The following FARS2 variants were observed in gnomAD, a reference collection of about 807,000 sequenced individuals.
The protein encoded by FARS2 is phenylalanyl-tRNA synthetase 2, mitochondrial, also known as phenylalanine--tRNA ligase, mitochondrial.
FARS2 carries 40 observed loss-of-function variants against 46.4 expected under a neutral mutation model. The observed-to-expected ratio is 0.86, with a 90% CI of 0.67 to 1.12. The LOEUF (loss-of-function observed/expected upper bound fraction) is 1.12. FARS2 is among the 50% of genes most tolerant of loss of function. The pLI is 0.00. For synonymous variants in FARS2, 234 were observed against 214.9 expected (o/e 1.09, Z -0.78); for missense variants, 513 against 567.9 (o/e 0.90, Z 0.98).
chr6:5,688,167 C>T (rs529332144), intron 6 of FARS2, among the ~76,000 whole-genome samples: 1 of 152,328 alleles, frequency 6.6e-6, no homozygotes, highest in East Asian at 1.9e-4. Context: ...TTGACTTCCT[C>T]TTTTCCTAAT....
At chr6:5,659,355 G>A (rs1777743736) in intron 6 of FARS2, among the ~76,000 whole-genome samples, 1 of 152,158 alleles carries the variant, frequency 6.6e-6, no homozygotes, top group Non-Finnish European at 1.5e-5. Flanking sequence ...CATTAAGGGG[G>A]ATGAGAAGAG....
chr6:5,473,134 C>T (rs916267447), intron 4 of FARS2, among the ~76,000 whole-genome samples: 2 of 152,148 alleles, frequency 1.3e-5, no homozygotes, highest in Non-Finnish European at 2.9e-5. Flanking sequence ...CCAAACACTA[C>T]ATTTAAATAA....
intron 4 of FARS2, among the ~76,000 whole-genome samples, chr6:5,481,035 G>A (rs1199679867): frequency 6.6e-6 from 1 of 152,244 alleles, no homozygotes; most frequent in Non-Finnish European, 1.5e-5. Context: ...AGTCTTTGCA[G>A]TTAGCCTGCA....
At chr6:5,265,520 C>G (rs907449871) in intron 1 of FARS2, among the ~76,000 whole-genome samples, 1 of 152,164 alleles carries the variant, frequency 6.6e-6, no homozygotes, top group African/African-American at 2.4e-5. Flanking sequence ...TACTGATAAC[C>G]TTTTGTTTCA....
intron 1 of FARS2, among the ~76,000 whole-genome samples, chr6:5,264,830 G>A (rs915883210): frequency 2.6e-5 from 4 of 152,162 alleles, no homozygotes; most frequent in African/African-American, 4.8e-5. Context: ...CAGGGTCTCT[G>A]TTTACTAAGC....
At chr6:5,293,467 T>A (rs72815615) in intron 1 of FARS2, among the ~76,000 whole-genome samples, 12,245 of 152,136 alleles carry the variant, frequency 0.08, 678 homozygotes, top group Middle Eastern at 0.14. Flanking sequence ...ACTTGACCAT[T>A]CTGTATATCT....
intron 5 of FARS2, among the ~76,000 whole-genome samples, chr6:5,552,445 CCT>C (rs1771423798): frequency 6.6e-6 from 1 of 152,134 alleles, no homozygotes; most frequent in South Asian, 2.1e-4. Context: ...TTTAGGCCCT[CCT>C]AAGTGATGCT....
chr6:5,666,933 C>G (rs183996010), intron 6 of FARS2, among the ~76,000 whole-genome samples: 1 of 152,264 alleles, frequency 6.6e-6, no homozygotes, highest in African/African-American at 2.4e-5. Context: ...ATGGACAGAG[C>G]TGGAGGACAT....
intron 5 of FARS2, among the ~76,000 whole-genome samples, chr6:5,589,089 A>G (rs2150598558): frequency 6.6e-6 from 1 of 152,246 alleles, no homozygotes; most frequent in Middle Eastern, 3.4e-3. Flanking sequence ...TCAGCTTCTC[A>G]AGGAACTGCA....
chr6:5,294,884 A>C (rs1015490295), intron 1 of FARS2, among the ~76,000 whole-genome samples: 2 of 152,068 alleles, frequency 1.3e-5, no homozygotes, highest in African/African-American at 4.8e-5. Flanking sequence ...TCCTTCCCCC[A>C]AAGTATAGGG....
chr6:5,752,194 A>G (rs987250296), intron 6 of FARS2, among the ~76,000 whole-genome samples: 1 of 152,202 alleles, frequency 6.6e-6, no homozygotes, highest in East Asian at 1.9e-4. Flanking sequence ...CCCATCAGAA[A>G]TCTGTGCAAA....
chr6:5,719,253 CACA>C (rs1467014129), intron 6 of FARS2, among the ~76,000 whole-genome samples: 1 of 151,882 alleles, frequency 6.6e-6, no homozygotes, highest in Non-Finnish European at 1.5e-5. Flanking sequence ...TCTGGAGGCA[CACA>C]CCTATGGTCC....
intron 1 of FARS2, among the ~76,000 whole-genome samples, chr6:5,355,570 G>T (rs1223677536): frequency 2.0e-5 from 3 of 151,658 alleles, no homozygotes; most frequent in African/African-American, 7.3e-5. Context: ...TGCTGGCCAG[G>T]CTGGTCTTGA....
At chr6:5,332,249 AAAG>A (rs1770848347) in intron 1 of FARS2, among the ~76,000 whole-genome samples, 1 of 152,244 alleles carries the variant, frequency 6.6e-6, no homozygotes, top group Non-Finnish European at 1.5e-5. Flanking sequence ...CTGGAAATAT[AAAG>A]AAGAATGAAG....
chr6:5,414,742 T>C (rs1244493712), intron 3 of FARS2, among the ~76,000 whole-genome samples: 3 of 151,662 alleles, frequency 2.0e-5, no homozygotes, highest in Non-Finnish European at 2.9e-5. Context: ...AGTCTTTATA[T>C]GGACATCGCT....
chr6:5,274,798 A>C (rs187024120), intron 1 of FARS2, among the ~76,000 whole-genome samples: 11 of 152,222 alleles, frequency 7.2e-5, no homozygotes, highest in African/African-American at 1.9e-4. Flanking sequence ...GCAGCCTCCA[A>C]CTTCCGGGCT....
In FARS2 at chr6:5,765,228, C is replaced by T. The variant is rs1762690651; in HGVS notation, c.1218-6063C>T. Among the ~76,000 whole-genome samples the T allele has an allele frequency of 6.6e-6, 1 of 152,368 alleles. No homozygotes were observed. The highest frequency in any genetic ancestry group is 1.9e-4 in the East Asian group (1 of 5,184). On this transcript the variant is annotated intron_variant, in intron 6 of 6. Coordinates refer to ENST00000274680, the MANE Select transcript of FARS2 (RefSeq NM_006567.5). This position sits in a 1 kb window ranked among gnomAD's most constrained non-coding sequence, Gnocchi z 4.0. ...CCCTCTGGCCCTGGCTCTCGGCTTC[C>T]ACACAAGCAGCTACTCTTGTACAGG...
intron 3 of FARS2, among the ~76,000 whole-genome samples, chr6:5,428,943 TTAAAA>T: frequency 6.6e-6 from 1 of 152,306 alleles, no homozygotes; most frequent in East Asian, 1.9e-4. Context: ...CAGGTGAATC[TTAAAA>T]TAACCCTGAT....
chr6:5,344,168 T>G (rs925975245), intron 1 of FARS2, among the ~76,000 whole-genome samples: 6 of 152,160 alleles, frequency 3.9e-5, no homozygotes, highest in Admixed American at 1.3e-4. Flanking sequence ...GAAGCTGTGA[T>G]TCAGGAAAGC....
Sources: gnomAD v4.1 joint callset for allele counts (sites outside exome capture counted in the v4.1 genomes callset) on GRCh38, gnomAD v4.1.1 for gene constraint, Gnocchi (gnomAD v3.1) non-coding constraint, MANE v1.5 for transcripts, NCBI Gene and HGNC (gene_info 2026-07-23, HGNC 2026-07-21) for gene names.